Variants in KASH5 observed in about 807,000 individuals in gnomAD.
KASH5 encodes protein KASH5.
KASH5 carries 72 observed loss-of-function variants against 84.2 expected under a neutral mutation model. The observed-to-expected ratio is 0.85, with a 90% CI of 0.71 to 1.04. The LOEUF (loss-of-function observed/expected upper bound fraction) is 1.04. Among genes scored for constraint, KASH5 ranks in the 50% least tolerant of loss-of-function variants. KASH5 has a pLI of 0.00. For missense variants in KASH5, 650 were observed against 701.0 expected (o/e 0.93, Z 0.82); for synonymous variants, 260 against 279.1 (o/e 0.93, Z 0.68).
At chr19:49,394,727 GGAA>G (rs1320887604) in intron 3 of KASH5, 147 bp downstream of exon 3, 109 of 641,940 alleles carry the variant, frequency 1.7e-4, no homozygotes, top group South Asian at 1.3e-3. Flanking sequence ...GGAAGCTTCA[GGAA>G]GAAGAACGTG....
At position 49,395,532 on chromosome 19, in the gene KASH5, G is replaced by T. The variant is rs561790196; in HGVS notation, c.336-237G>T. Among the ~76,000 whole-genome samples the T allele has an allele frequency of 8.5e-5, 13 of 152,312 alleles. No homozygotes were observed. The East Asian group carries it at 2.3e-3, about 27-fold the overall frequency. ...CAGAAATAAAATGGGGCTGGAGAAGGGAGGAGTTTGGGGCTGACAGAGGTC... is the reference window on the plus strand; with the variant it reads ...CAGAAATAAAATGGGGCTGGAGAAGTGAGGAGTTTGGGGCTGACAGAGGTC... On this transcript the variant is annotated intron_variant, in intron 4 of 19. Coordinates refer to ENST00000447857, the MANE Select transcript of KASH5 (RefSeq NM_144688.5). This position sits in a 1 kb window ranked among gnomAD's most constrained non-coding sequence, Gnocchi z 4.4.
At chr19:49,392,158 A>G (rs1974023530) in intron 2 of KASH5, among the ~76,000 whole-genome samples, 1 of 152,080 alleles carries the variant, frequency 6.6e-6, no homozygotes, top group Non-Finnish European at 1.5e-5. Flanking sequence ...CCAGAAGGAG[A>G]GATGGAGACA....
Position 49,412,899 on chromosome 19 carries a change from T to G in KASH5, c.1270-69T>G. On this transcript the variant is annotated intron_variant, in intron 15 of 19. Coordinates refer to ENST00000447857, the MANE Select transcript of KASH5 (RefSeq NM_144688.5). This position sits in a 1 kb window ranked among gnomAD's most constrained non-coding sequence, Gnocchi z 4.6. ...GGTCTGGGACCGGCGGGGGAGACAG[T>G]GGGCACTGTTAGGGTTGGAGCTTTG... The G allele has an allele frequency of 4.0e-6, 6 of 1,510,376 alleles. No individual in the cohort carries two copies. The highest frequency in any genetic ancestry group is 4.6e-6 in the Non-Finnish European group (5 of 1,098,152). 93.6% of individuals were successfully genotyped at this position (1,510,376 alleles called of 1,614,324 possible).
intron 16 of KASH5, 141 bp downstream of exon 16, chr19:49,413,167 C>A: frequency 1.2e-6 from 1 of 823,166 alleles, no homozygotes. Flanking sequence ...AGAACCTGGG[C>A]CTGTAGGCCA....
intron 9 of KASH5, among the ~76,000 whole-genome samples, chr19:49,401,707 C>T (rs963519324): frequency 6.6e-6 from 1 of 152,310 alleles, no homozygotes; most frequent in East Asian, 1.9e-4. Context: ...TCCTGCATTC[C>T]TCCCCCAGCT....
intron 12 of KASH5, 68 bp downstream of exon 12, chr19:49,407,739 C>G: frequency 6.8e-7 from 1 of 1,478,448 alleles, no homozygotes; most frequent in South Asian, 1.2e-5. Flanking sequence ...CTGGGACTTG[C>G]TGCCTCTCCT....
intron 9 of KASH5, among the ~76,000 whole-genome samples, chr19:49,401,784 A>G (rs1462303818): frequency 6.6e-6 from 1 of 152,198 alleles, no homozygotes; most frequent in Non-Finnish European, 1.5e-5. Flanking sequence ...CTACATGTGC[A>G]GTGTTTTTTA....
At chr19:49,392,229 G>T (rs8100649) in intron 2 of KASH5, among the ~76,000 whole-genome samples, 5,226 of 152,214 alleles carry the variant, frequency 0.034, 283 homozygotes, top group African/African-American at 0.12. Context: ...AGGGAATGGA[G>T]AGTCTCTGAG....
At position 49,414,957 on chromosome 19, in the gene KASH5, C is replaced by T; in HGVS notation, c.1335C>T (p.Thr445=). 6.2e-7 allele frequency: 1 copy of T among 1,612,830 alleles called. No individual in the cohort carries two copies. The highest frequency in any genetic ancestry group is 8.5e-7 in the Non-Finnish European group (1 of 1,179,512). Reference sequence around the variant, plus strand: ...TGACTTTGTTGGCCCTCAGGTTGACCAGAAGAGAGGAAGAGGAGGATGCAG... The same window carrying T: ...TGACTTTGTTGGCCCTCAGGTTGACTAGAAGAGAGGAAGAGGAGGATGCAG... The part of the protein sequence containing the change: ...EGRKEPSMWL[T]RREEEEDAES... Residue 445 remains threonine, a synonymous_variant, in exon 17 of 20, where the codon ACC becomes ACT. Transcript: ENST00000447857. The surrounding 1 kb of genome is among the most constrained non-coding windows in gnomAD (Gnocchi z 4.5).
intron 15 of KASH5, among the ~76,000 whole-genome samples, chr19:49,410,821 C>T (rs1974686554): frequency 6.6e-6 from 1 of 151,660 alleles, no homozygotes; most frequent in Non-Finnish European, 1.5e-5. Flanking sequence ...TGAGATCTCA[C>T]TGTGTTGTCC....
In KASH5 at chr19:49,398,240, C is replaced by G. The variant is rs1049902253; in HGVS notation, c.629+97C>G. 6.8e-5 allele frequency: 70 copies of G among 1,028,638 alleles called. No homozygotes were observed. The Admixed American group carries it at 2.0e-3, about 30-fold the overall frequency. The allele number at this position is 1,028,638 out of a possible 1,614,324, so 63.7% of individuals were successfully genotyped here. ...CTCCCATGCTCGTGTCTGCATCCTG[C>G]TCTTTGACTCTGTACCTGTCCTTTC... On this transcript the variant is annotated intron_variant, in intron 7 of 19. Coordinates refer to ENST00000447857, the MANE Select transcript of KASH5 (RefSeq NM_144688.5).
chr19:49,410,324 G>A (rs1217416644), intron 15 of KASH5, among the ~76,000 whole-genome samples: 1 of 152,026 alleles, frequency 6.6e-6, no homozygotes, highest in East Asian at 1.9e-4. Flanking sequence ...TAACCATTGG[G>A]GTTTTTTTTG....
chr19:49,407,679 AGCGGCCCTCGCCACCCACC>A lies in KASH5; in HGVS notation c.993+23_993+41del, dbSNP rs558550902. On this transcript the variant is annotated intron_variant, in intron 12 of 19. Transcript: ENST00000447857. ...TACAGAGTGACGACGCAGGTAACTC[AGCGGCCCTCGCCACCCACC>A]GCGGCCCTCGCCACTTCTCTTTTGC... The A allele has an allele frequency of 3.5e-4, 558 of 1,598,940 alleles. 10 individuals carry two copies. The South Asian group carries it at 4.6e-3, about 13-fold the overall frequency.
At chr19:49,390,209 C>G (rs1973957261) in intron 1 of KASH5, 1 of 152,328 alleles carries the variant, frequency 6.6e-6, no homozygotes, top group South Asian at 2.1e-4. Context: ...GACACGGCCC[C>G]TCGCTTCCCG....
Position 49,413,287 on chromosome 19 carries a change from G to A in KASH5, c.1328+261G>A, listed in dbSNP as rs79059686. Among the ~76,000 whole-genome samples the A allele has an allele frequency of 5.3e-5, 8 of 152,274 alleles. 1 individual carries two copies. In the East Asian group the frequency reaches 1.5e-3, roughly 29 times the overall value. ...GCCATGCCTGAATGGGGTGAGGGGGGGCCTCTGGAATCAGCGTGGATTCAG... is the reference window on the plus strand; with the variant it reads ...GCCATGCCTGAATGGGGTGAGGGGGAGCCTCTGGAATCAGCGTGGATTCAG... On this transcript the variant is annotated intron_variant, in intron 16 of 19. Coordinates refer to ENST00000447857, the MANE Select transcript of KASH5 (RefSeq NM_144688.5).
Position 49,397,735 on chromosome 19 carries a change from C to T in KASH5, c.467+18C>T. On this transcript the variant is annotated intron_variant, in intron 6 of 19. Transcript: ENST00000447857. ...CCCGAGCTGTACCTATCCTCACACCCCTCCCTGACCCTCCTGCCCACACCC... is the reference window on the plus strand; with the variant it reads ...CCCGAGCTGTACCTATCCTCACACCTCTCCCTGACCCTCCTGCCCACACCC... 6.2e-7 allele frequency: 1 copy of T among 1,611,790 alleles called. No individual in the cohort carries two copies. The highest frequency in any genetic ancestry group is 8.5e-7 in the Non-Finnish European group (1 of 1,178,572).
Position 49,417,030 on chromosome 19 carries a change from C to T in KASH5, c.1390C>T (p.Pro464Ser). Residue 464 changes from proline to serine, a missense_variant, in exon 18 of 20, where the codon CCT becomes TCT. Transcript: ENST00000447857. This position sits in a 1 kb window ranked among gnomAD's most constrained non-coding sequence, Gnocchi z 5.2. ...ESQVTADLPV[P>S]LGAPRPGDIP... ...GTCCTTGCAGGCTGATCTCCCTGTCCCTCTAGGAGCCCCTCGCCCTGGAGA... is the reference window on the plus strand; with the variant it reads ...GTCCTTGCAGGCTGATCTCCCTGTCTCTCTAGGAGCCCCTCGCCCTGGAGA... 1 of 1,591,024 alleles carries T rather than the reference C, an allele frequency of 6.3e-7. No homozygotes were observed. The highest frequency in any genetic ancestry group is 1.3e-5 in the African/African-American group (1 of 74,448).
rs915437298 is a variant in KASH5, at chr19:49,414,888, A to G, written c.1329-63A>G. The G allele has an allele frequency of 1.7e-5, 26 of 1,572,596 alleles. No homozygotes were observed. Among genetic ancestry groups the G allele is most frequent in the Middle Eastern group, 1.7e-4 (1 of 6,008 alleles). On this transcript the variant is annotated intron_variant, in intron 16 of 19. Coordinates refer to ENST00000447857, the MANE Select transcript of KASH5 (RefSeq NM_144688.5). This position sits in a 1 kb window ranked among gnomAD's most constrained non-coding sequence, Gnocchi z 4.5. ...TGCTCCAAGGCTTCTCTCCCAGCCCATAGTAGGCAAAGGGAACCAGGGAGA... is the reference window on the plus strand; with the variant it reads ...TGCTCCAAGGCTTCTCTCCCAGCCCGTAGTAGGCAAAGGGAACCAGGGAGA...
intron 7 of KASH5, 142 bp downstream of exon 7, chr19:49,398,285 A>G (rs944315245): frequency 3.5e-5 from 25 of 716,178 alleles, no homozygotes; most frequent in Non-Finnish European, 5.0e-5. Context: ...TTCTGTTTTT[A>G]TCTTTTGTGT....
Sources: gnomAD v4.1 joint callset for allele counts (sites outside exome capture counted in the v4.1 genomes callset) on GRCh38, gnomAD v4.1.1 for gene constraint, Gnocchi (gnomAD v3.1) non-coding constraint, MANE v1.5 for transcripts, NCBI Gene and HGNC (gene_info 2026-07-23, HGNC 2026-07-21) for gene names.